The following PIP5K1B variants were observed in gnomAD, a reference collection of about 807,000 sequenced individuals.
PIP5K1B encodes phosphatidylinositol 4-phosphate 5-kinase type-1 beta.
In PIP5K1B, 42 loss-of-function variants were observed where a neutral mutation model predicts 67.0. The observed-to-expected ratio is 0.63, with a 90% confidence interval of 0.49 to 0.81. The LOEUF is 0.81. PIP5K1B is among the 30% of genes least tolerant of loss of function. PIP5K1B has a pLI of 0.00. For missense variants in PIP5K1B, 459 were observed against 646.3 expected (o/e 0.71, Z 3.14); for synonymous variants, 214 against 231.4 (o/e 0.92, Z 0.68).
At chr9:68,882,611 C>T (rs577176001) in intron 6 of PIP5K1B, among the ~76,000 whole-genome samples, 3 of 152,112 alleles carry the variant, frequency 2.0e-5, no homozygotes, top group African/African-American at 4.8e-5. Context: ...CACCTCTTTC[C>T]GGATCACCCC....
At chr9:68,905,332 G>A (rs1825556106) in intron 8 of PIP5K1B, among the ~76,000 whole-genome samples, 2 of 152,154 alleles carry the variant, frequency 1.3e-5, no homozygotes, top group African/African-American at 4.8e-5. Context: ...ATCTGGAAAG[G>A]CTTTGAGGTT....
At chr9:68,924,038 C>T (rs1587673537) in intron 12 of PIP5K1B, among the ~76,000 whole-genome samples, 1 of 145,550 alleles carries the variant, frequency 6.9e-6, no homozygotes, top group East Asian at 2.0e-4. Context: ...GGAAAACAAA[C>T]ATACCAAAAA....
chr9:68,980,028 G>A (rs939311143), intron 14 of PIP5K1B, among the ~76,000 whole-genome samples: 1 of 152,168 alleles, frequency 6.6e-6, no homozygotes, highest in Non-Finnish European at 1.5e-5. Context: ...CGTGTTGGGG[G>A]GTTTTGTAGA....
chr9:68,881,641 C>T (rs1412035111), intron 6 of PIP5K1B, among the ~76,000 whole-genome samples: 1 of 152,226 alleles, frequency 6.6e-6, no homozygotes, highest in African/African-American at 2.4e-5. Context: ...CATTAAAATT[C>T]ACCCTGTGCA....
intron 13 of PIP5K1B, among the ~76,000 whole-genome samples, chr9:68,935,666 A>G (rs78776311): frequency 0.035 from 5,398 of 152,316 alleles, 149 homozygotes; most frequent in African/African-American, 0.079. Flanking sequence ...CTTATTCTGT[A>G]CATGTACACA....
chr9:68,852,617 A>T (rs1484254966), intron 4 of PIP5K1B, among the ~76,000 whole-genome samples: 2 of 152,222 alleles, frequency 1.3e-5, no homozygotes, highest in African/African-American at 4.8e-5. Flanking sequence ...ATGGTAACCC[A>T]GGGCACAGAG....
chr9:68,981,619 A>C (rs1829884091), intron 14 of PIP5K1B, among the ~76,000 whole-genome samples: 1 of 152,212 alleles, frequency 6.6e-6, no homozygotes, highest in African/African-American at 2.4e-5. Flanking sequence ...TGTGGATAGT[A>C]CCATATGTTC....
At chr9:68,997,191 G>T (rs1830635147) in intron 15 of PIP5K1B, among the ~76,000 whole-genome samples, 1 of 152,216 alleles carries the variant, frequency 6.6e-6, no homozygotes, top group Admixed American at 6.5e-5. Context: ...ATACTATTAT[G>T]TATGGAAAAA....
chr9:68,721,861 T>G (rs2132264132), intron 1 of PIP5K1B, among the ~76,000 whole-genome samples: 1 of 152,314 alleles, frequency 6.6e-6, no homozygotes. Context: ...CACTTGTTGA[T>G]CTTCACTTGC....
At chr9:68,925,106 TATGAGTGTGACGTAATCTAA>T (rs1194902174) in intron 12 of PIP5K1B, among the ~76,000 whole-genome samples, 10 of 150,848 alleles carry the variant, frequency 6.6e-5, no homozygotes, top group Non-Finnish European at 1.5e-4. Flanking sequence ...ATTAAAATTG[TATGAGTGTGACGTAATCTAA>T]TTTTTTTTTT....
chr9:68,787,222 T>C (rs1831676153), intron 2 of PIP5K1B, among the ~76,000 whole-genome samples: 2 of 152,180 alleles, frequency 1.3e-5, no homozygotes, highest in African/African-American at 4.8e-5. Context: ...GCAGCCACCA[T>C]GGAAAGAAGG....
chr9:68,934,889 G>A lies in PIP5K1B; in HGVS notation c.1202-1G>A, dbSNP rs772802308. The A allele has an allele frequency of 6.2e-7, 1 of 1,605,804 alleles. No individual in the cohort carries two copies. Among genetic ancestry groups the A allele is most frequent in the South Asian group, 1.1e-5 (1 of 89,224 alleles). ...TATTTGTCCTTTTCCTTTCTGTCTAGCTTTGAAGGCTTCACCGTCTAAGAA... is the reference window on the plus strand; with the variant it reads ...TATTTGTCCTTTTCCTTTCTGTCTAACTTTGAAGGCTTCACCGTCTAAGAA... On this transcript the variant is annotated splice_acceptor_variant, in intron 12 of 15. Transcript: ENST00000265382. LOFTEE classifies it high-confidence loss of function.
intron 14 of PIP5K1B, among the ~76,000 whole-genome samples, chr9:68,963,664 T>TA (rs1187262275): frequency 6.6e-6 from 1 of 152,218 alleles, no homozygotes; most frequent in Non-Finnish European, 1.5e-5. Flanking sequence ...GTTCAGCTGT[T>TA]ACGGTGACTA....
intron 1 of PIP5K1B, among the ~76,000 whole-genome samples, chr9:68,724,497 T>G (rs1305415831): frequency 2.0e-5 from 3 of 152,174 alleles, no homozygotes; most frequent in African/African-American, 7.2e-5. Context: ...ATTCAATTGT[T>G]AAATTGATAT....
At chr9:68,820,767 C>A (rs1833692863) in intron 3 of PIP5K1B, among the ~76,000 whole-genome samples, 1 of 152,056 alleles carries the variant, frequency 6.6e-6, no homozygotes, top group African/African-American at 2.4e-5. Flanking sequence ...CCTTGTTTAC[C>A]ACAGAAGTAG....
chr9:68,871,060 C>A (rs1416173038), intron 5 of PIP5K1B, among the ~76,000 whole-genome samples: 2 of 152,206 alleles, frequency 1.3e-5, no homozygotes, highest in Non-Finnish European at 2.9e-5. Flanking sequence ...AAAACTAGCA[C>A]TTGGTCATCA....
intron 14 of PIP5K1B, among the ~76,000 whole-genome samples, chr9:68,972,760 C>T (rs1039715840): frequency 1.3e-5 from 2 of 152,140 alleles, no homozygotes; most frequent in African/African-American, 4.8e-5. Context: ...CTGAGCCAGT[C>T]AAGTCTATAA....
chr9:68,934,900 TTCACCG>T lies in PIP5K1B; in HGVS notation c.1215_1220del (p.Pro406_Ser407del). The T allele has an allele frequency of 6.2e-7, 1 of 1,609,264 alleles. No individual in the cohort carries two copies. Among genetic ancestry groups the T allele is most frequent in the Non-Finnish European group, 8.5e-7 (1 of 1,177,514 alleles). On this transcript the variant is annotated inframe_deletion, in exon 13 of 16. Transcript: ENST00000265382. ...TTCCTTTCTGTCTAGCTTTGAAGGC[TTCACCG>T]TCTAAGAAACGGTGCAATTCAATCG...
At chr9:68,878,859 C>T (rs1366160987) in intron 6 of PIP5K1B, among the ~76,000 whole-genome samples, 1 of 152,030 alleles carries the variant, frequency 6.6e-6, no homozygotes, top group East Asian at 1.9e-4. Context: ...TTAAAAACTA[C>T]GAGGGATTTT....
Sources: gnomAD v4.1 joint callset for allele counts (sites outside exome capture counted in the v4.1 genomes callset) on GRCh38, gnomAD v4.1.1 for gene constraint, MANE v1.5 for transcripts, NCBI Gene and HGNC (gene_info 2026-07-23, HGNC 2026-07-21) for gene names.